DIAPH2: variants seen among roughly 807,000 people sequenced by gnomAD.
DIAPH2 encodes diaphanous related formin 2.
Under a neutral mutation model 92.7 loss-of-function variants are expected in DIAPH2, and 35 were observed. That is an observed-to-expected ratio of 0.38 (90% CI 0.29 to 0.50). The LOEUF is 0.50. DIAPH2 is among the 20% of genes least tolerant of loss of function. The probability of loss-of-function intolerance (pLI) is 0.94; values close to 1 mark genes in which losing one functional copy is unlikely to be tolerated. For synonymous variants in DIAPH2, 301 were observed against 280.4 expected (o/e 1.07, Z -0.73); for missense variants, 701 against 819.5 (o/e 0.86, Z 1.77).
intron 25 of DIAPH2, among the ~76,000 whole-genome samples, chrX:97,386,658 A>T (rs1260161335): frequency 9.2e-6 from 1 of 108,331 alleles, no homozygotes; most frequent in African/African-American, 3.4e-5. Context: ...ACAGAGTGAG[A>T]CTCTGTCTCA....
At chrX:97,355,255 A>C (rs765038756) in intron 24 of DIAPH2, among the ~76,000 whole-genome samples, 48 of 111,565 alleles carry the variant, frequency 4.3e-4, no homozygotes, top group Non-Finnish European at 7.0e-4. Flanking sequence ...CTAAATTGAT[A>C]ATATACAGAA....
At chrX:96,685,240 G>T (rs1602424260) in intron 1 of DIAPH2, 50 bp downstream of exon 1, 1 of 973,789 alleles carries the variant, frequency 1.0e-6, no homozygotes, top group South Asian at 5.3e-5. Context: ...GAGAGCCCCG[G>T]GATCCTCCTG....
intron 23 of DIAPH2, among the ~76,000 whole-genome samples, chrX:97,339,543 G>T (rs999236050): frequency 9.0e-6 from 1 of 111,024 alleles, no homozygotes; most frequent in East Asian, 2.8e-4. Flanking sequence ...ATAAAAATGC[G>T]TTGTGGGACT....
At chrX:97,483,399 A>AAC (rs1556138230) in intron 26 of DIAPH2, among the ~76,000 whole-genome samples, 2 of 106,871 alleles carry the variant, frequency 1.9e-5, no homozygotes, top group Admixed American at 2.1e-4. Context: ...AAGGGGGCAA[A>AAC]AGAGAGAGAG....
chrX:96,859,850 G>C (rs1168305787), intron 4 of DIAPH2, among the ~76,000 whole-genome samples: 4 of 110,306 alleles, frequency 3.6e-5, no homozygotes, highest in Non-Finnish European at 5.7e-5. Flanking sequence ...ACCGTGTTAG[G>C]CAGGATGGTC....
intron 19 of DIAPH2, among the ~76,000 whole-genome samples, chrX:97,076,046 G>T (rs1450272064): frequency 8.9e-6 from 1 of 112,150 alleles, no homozygotes; most frequent in Non-Finnish European, 1.9e-5. Context: ...AAAGTGCTTT[G>T]TATGATAAAG....
At chrX:96,824,241 C>T (rs968861192) in intron 4 of DIAPH2, among the ~76,000 whole-genome samples, 11 of 110,832 alleles carry the variant, frequency 9.9e-5, no homozygotes, top group East Asian at 5.7e-4. Flanking sequence ...CTAAAAATAA[C>T]GCCTTGTAAG....
intron 5 of DIAPH2, 33 bp from the exon 6 acceptor site, chrX:96,912,295 A>G (rs746481385): frequency 1.9e-6 from 2 of 1,070,170 alleles, no homozygotes; most frequent in Non-Finnish European, 2.5e-6. Flanking sequence ...TTACTAACTT[A>G]CTTATACATC....
intron 1 of DIAPH2, among the ~76,000 whole-genome samples, chrX:96,686,117 T>G (rs192402406): frequency 8.9e-6 from 1 of 111,907 alleles, no homozygotes; most frequent in East Asian, 2.8e-4. Flanking sequence ...CAGATACTCC[T>G]TAGAGCTGTA....
intron 17 of DIAPH2, among the ~76,000 whole-genome samples, chrX:96,980,552 C>T (rs953170775): frequency 9.1e-6 from 1 of 110,486 alleles, no homozygotes; most frequent in Non-Finnish European, 1.9e-5. Context: ...GAAAAGTTTT[C>T]ACTGTGGGCC....
At chrX:96,968,301 CT>C (rs2065906318) in intron 17 of DIAPH2, among the ~76,000 whole-genome samples, 1 of 111,206 alleles carries the variant, frequency 9.0e-6, no homozygotes. Context: ...TCACTGCAAT[CT>C]CCGCCTCCTG....
At chrX:97,021,559 A>G (rs771023112) in intron 17 of DIAPH2, among the ~76,000 whole-genome samples, 1 of 112,177 alleles carries the variant, frequency 8.9e-6, no homozygotes, top group South Asian at 3.8e-4. Flanking sequence ...TTTAGACTTA[A>G]TATTACAAAA....
intron 23 of DIAPH2, among the ~76,000 whole-genome samples, chrX:97,333,793 G>A (rs1041093001): frequency 1.6e-4 from 18 of 110,328 alleles, no homozygotes; most frequent in African/African-American, 5.9e-4. Context: ...TCGAACTCCT[G>A]ACCTCAGGTG....
chrX:97,562,142 G>A (rs1332907797), intron 26 of DIAPH2, among the ~76,000 whole-genome samples: 1 of 111,115 alleles, frequency 9.0e-6, no homozygotes, highest in African/African-American at 3.3e-5. Context: ...AGAAATGTGT[G>A]AACATAGTAA....
chrX:97,166,514 C>T (rs1008596253), intron 22 of DIAPH2, among the ~76,000 whole-genome samples: 1 of 111,561 alleles, frequency 9.0e-6, no homozygotes, highest in African/African-American at 3.3e-5. Flanking sequence ...CATAGAACTA[C>T]CAGGGCTGTT....
intron 3 of DIAPH2, among the ~76,000 whole-genome samples, chrX:96,743,830 G>T: frequency 9.0e-6 from 1 of 111,426 alleles, no homozygotes; most frequent in Non-Finnish European, 1.9e-5. Flanking sequence ...AAGAGTAGAT[G>T]TAAAGTGTTC....
At chrX:96,894,522 G>A (rs2065329898) in intron 5 of DIAPH2, among the ~76,000 whole-genome samples, 1 of 111,781 alleles carries the variant, frequency 8.9e-6, no homozygotes, top group Non-Finnish European at 1.9e-5. Flanking sequence ...TATAGAGAAT[G>A]CTTAAGAATT....
At chrX:96,936,288 A>G (rs1277788409) in intron 10 of DIAPH2, among the ~76,000 whole-genome samples, 6 of 111,614 alleles carry the variant, frequency 5.4e-5, no homozygotes, top group Non-Finnish European at 1.1e-4. Context: ...TAATAGTTCT[A>G]TTGAATAAAG....
intron 5 of DIAPH2, among the ~76,000 whole-genome samples, chrX:96,910,933 T>G (rs2147778795): frequency 9.0e-6 from 1 of 111,244 alleles, no homozygotes; most frequent in African/African-American, 3.3e-5. Flanking sequence ...GGGGAAAACA[T>G]TAATGACTTA....
Sources: allele counts gnomAD v4.1 joint callset (sites outside exome capture counted in the v4.1 genomes callset), GRCh38; gene constraint gnomAD v4.1.1; transcripts MANE v1.5; gene names NCBI Gene and HGNC (gene_info 2026-07-23, HGNC 2026-07-21).